Variants in NLGN1 observed in about 807,000 individuals in gnomAD.
NLGN1 encodes neuroligin 1, also known as neuroligin-1.
A neutral mutation model predicts 65.5 loss-of-function variants in NLGN1; 12 were observed. The observed-to-expected ratio is 0.18, with a 90% CI of 0.12 to 0.30. The LOEUF is 0.30. Among genes scored for constraint, NLGN1 ranks in the 10% least tolerant of loss-of-function variants. NLGN1 has a pLI of 1.00. For synonymous variants in NLGN1, 350 were observed against 359.5 expected (o/e 0.97, Z 0.30); for missense variants, 750 against 1,007.1 (o/e 0.74, Z 3.46).
chr3:173,561,209 C>G (rs1252567714), intron 2 of NLGN1, among the ~76,000 whole-genome samples: 1 of 152,190 alleles, frequency 6.6e-6, no homozygotes, highest in Non-Finnish European at 1.5e-5. Context: ...AATGACTGCT[C>G]TCTAGAAAGG....
intron 4 of NLGN1, among the ~76,000 whole-genome samples, chr3:174,076,611 A>G (rs1580160954): frequency 6.6e-6 from 1 of 151,586 alleles, no homozygotes; most frequent in Admixed American, 6.6e-5. Flanking sequence ...TTAAATTGTC[A>G]TATTTTCTAT....
At position 174,280,422 on chromosome 3, in the gene NLGN1, G is replaced by A. The variant is rs1033265005; in HGVS notation, c.1650-59G>A. The A allele has an allele frequency of 2.6e-6, 3 of 1,165,488 alleles. No individual in the cohort carries two copies. In the African/African-American group the frequency reaches 4.7e-5, roughly 18 times the overall value. The allele number at this position is 1,165,488 out of a possible 1,614,324, so 72.2% of individuals were successfully genotyped here. ...TTTAATTATTAGATGTTAAAGTAGT[G>A]TGATTTTAAGTAAAAAATAAAATAG... On this transcript the variant is annotated intron_variant, in intron 6 of 6. Transcript: ENST00000457714. The surrounding 1 kb of genome is among the most constrained non-coding windows in gnomAD (Gnocchi z 4.9).
chr3:173,858,182 C>G (rs1728359449), intron 4 of NLGN1, among the ~76,000 whole-genome samples: 1 of 152,120 alleles, frequency 6.6e-6, no homozygotes, highest in Non-Finnish European at 1.5e-5. Flanking sequence ...CACAGTGAGT[C>G]TGGAAAGATT....
At chr3:173,661,541 T>C (rs1302511982) in intron 3 of NLGN1, among the ~76,000 whole-genome samples, 2 of 151,978 alleles carry the variant, frequency 1.3e-5, no homozygotes, top group African/African-American at 4.8e-5. Context: ...CAGGAATAAT[T>C]CCCCTTAGGA....
At chr3:174,094,668 T>TA (rs1576838460) in intron 4 of NLGN1, among the ~76,000 whole-genome samples, 1 of 149,598 alleles carries the variant, frequency 6.7e-6, no homozygotes, top group Admixed American at 6.8e-5. Context: ...TGTTATACCC[T>TA]ATTAAACCTT....
intron 2 of NLGN1, among the ~76,000 whole-genome samples, chr3:173,530,850 C>T (rs1419466882): frequency 6.6e-6 from 1 of 151,916 alleles, no homozygotes; most frequent in African/African-American, 2.4e-5. Context: ...TATTTAAATG[C>T]TCTTTGCTTT....
chr3:173,870,693 T>C (rs972173665), intron 4 of NLGN1, among the ~76,000 whole-genome samples: 2 of 152,212 alleles, frequency 1.3e-5, no homozygotes, highest in African/African-American at 4.8e-5. Flanking sequence ...ATTGATTTCA[T>C]GGTTGATGCA....
At chr3:173,667,596 A>G (rs2149717549) in intron 3 of NLGN1, among the ~76,000 whole-genome samples, 1 of 152,240 alleles carries the variant, frequency 6.6e-6, no homozygotes, top group Admixed American at 6.5e-5. Flanking sequence ...GATTCTATAT[A>G]GATTTTCACA....
intron 4 of NLGN1, among the ~76,000 whole-genome samples, chr3:174,190,513 TATTG>T (rs1350797153): frequency 1.3e-5 from 2 of 152,044 alleles, no homozygotes; most frequent in Admixed American, 1.3e-4. Flanking sequence ...ATATTACACT[TATTG>T]ATACAACTAT....
intron 4 of NLGN1, among the ~76,000 whole-genome samples, chr3:173,898,913 A>G (rs148378797): frequency 1.1e-4 from 16 of 152,266 alleles, no homozygotes; most frequent in East Asian, 7.7e-4. Flanking sequence ...CCATTCAGAT[A>G]CAGCTTTAAG....
intron 4 of NLGN1, among the ~76,000 whole-genome samples, chr3:174,072,737 A>C (rs548405023): frequency 1.8e-4 from 28 of 152,232 alleles, no homozygotes; most frequent in African/African-American, 6.0e-4. Flanking sequence ...GCATAAGGTA[A>C]GATGTCAAAG....
At chr3:174,117,648 C>G (rs1198837570) in intron 4 of NLGN1, among the ~76,000 whole-genome samples, 2 of 151,814 alleles carry the variant, frequency 1.3e-5, no homozygotes, top group Non-Finnish European at 2.9e-5. Flanking sequence ...ATAAATGAAC[C>G]AGCCTGCTTA....
chr3:173,482,692 AG>A (rs1205708889), intron 2 of NLGN1, among the ~76,000 whole-genome samples: 1 of 151,854 alleles, frequency 6.6e-6, no homozygotes, highest in Non-Finnish European at 1.5e-5. Flanking sequence ...GAGAGAGCTG[AG>A]TGAAGTGAGG....
At chr3:173,652,154 A>C (rs1026384323) in intron 3 of NLGN1, among the ~76,000 whole-genome samples, 8 of 151,962 alleles carry the variant, frequency 5.3e-5, no homozygotes, top group African/African-American at 1.9e-4. Flanking sequence ...GTTTCTTATA[A>C]ATTTTGGATA....
intron 4 of NLGN1, among the ~76,000 whole-genome samples, chr3:173,829,937 G>C (rs554636284): frequency 6.7e-6 from 1 of 149,296 alleles, no homozygotes; most frequent in East Asian, 2.0e-4. Context: ...TGATCCAAAC[G>C]TGCCCTGTTG....
chr3:174,086,265 A>G (rs887196761), intron 4 of NLGN1, among the ~76,000 whole-genome samples: 4 of 148,872 alleles, frequency 2.7e-5, no homozygotes, highest in Non-Finnish European at 4.5e-5. Context: ...ATACATATAT[A>G]TATTTATGTA....
intron 3 of NLGN1, among the ~76,000 whole-genome samples, chr3:173,755,260 T>C (rs911378411): frequency 2.0e-5 from 3 of 152,108 alleles, no homozygotes; most frequent in African/African-American, 7.2e-5. Context: ...TGGTATAATA[T>C]TGATGTATCT....
intron 4 of NLGN1, among the ~76,000 whole-genome samples, chr3:173,862,378 C>A (rs1578851698): frequency 6.7e-6 from 1 of 149,704 alleles, no homozygotes; most frequent in African/African-American, 2.4e-5. Context: ...TAGTGGCGGG[C>A]GCCTGTAGTC....
chr3:174,072,617 G>A (rs923035101), intron 4 of NLGN1, among the ~76,000 whole-genome samples: 10 of 152,174 alleles, frequency 6.6e-5, no homozygotes, highest in Admixed American at 3.3e-4. Flanking sequence ...GGGCAGCCAC[G>A]TCTGTAAAGC....
Sources: gnomAD v4.1 joint callset for allele counts (sites outside exome capture counted in the v4.1 genomes callset) on GRCh38, gnomAD v4.1.1 for gene constraint, Gnocchi (gnomAD v3.1) non-coding constraint, MANE v1.5 for transcripts, NCBI Gene and HGNC (gene_info 2026-07-23, HGNC 2026-07-21) for gene names.